Variants in SLC38A3 observed in about 807,000 individuals in gnomAD.
SLC38A3 encodes the protein sodium-coupled neutral amino acid transporter 3.
Under a neutral mutation model 59.5 loss-of-function variants are expected in SLC38A3, and 17 were observed. That is an observed-to-expected ratio of 0.29 (90% CI 0.20 to 0.43). SLC38A3 has a LOEUF of 0.43. Ranked by LOEUF, SLC38A3 falls within the 20% of genes least tolerant of loss-of-function variation. SLC38A3 has a pLI of 1.00. For synonymous variants in SLC38A3, 238 were observed against 260.3 expected, an observed-to-expected ratio of 0.91 and a Z score of 0.82; for missense variants, 454 against 653.9, an observed-to-expected ratio of 0.69 and a Z score of 3.33.
chr3:50,219,811 A>C, intron 14 of SLC38A3, 70 bp from the exon 15 acceptor site: 1 of 1,278,856 alleles, frequency 7.8e-7, no homozygotes, highest in Non-Finnish European at 1.1e-6. Flanking sequence ...ATCTCATTGA[A>C]GAGTCCACCC....
rs6792754 is a variant in SLC38A3, at chr3:50,210,701, G to T, written c.-51-3448G>T. Among the ~76,000 whole-genome samples, 800 of 152,326 alleles carry T rather than the reference G, an allele frequency of 5.3e-3. 7 individuals are homozygous for T. The highest frequency in any genetic ancestry group is 0.018 in the African/African-American group (751 of 41,572). ...GGTGTGCCTGATGAATTCTCACCAG[G>T]TGATGTTCGCGTGGGCGGGCGTTAC... On this transcript the variant is annotated intron_variant, in intron 1 of 15. Coordinates refer to ENST00000614032, the MANE Select transcript of SLC38A3 (RefSeq NM_006841.6).
Position 50,214,422 on chromosome 3 carries a change from G to C in SLC38A3, c.122G>C (p.Ser41Thr). ...GNQRVEDPARSCMEGKSFLQK... is the reference protein window; with the variant it reads ...GNQRVEDPARTCMEGKSFLQK... ...TACAGGGTCGAGGACCCTGCACGGAGCTGTATGGAGGGCAAGAGCTTCCTA... is the reference window on the plus strand; with the variant it reads ...TACAGGGTCGAGGACCCTGCACGGACCTGTATGGAGGGCAAGAGCTTCCTA... The change falls in exon 3 of 16, where the codon AGC becomes ACC. Residue 41 changes from serine to threonine, a missense_variant. Transcript: ENST00000614032. This position sits in a 1 kb window ranked among gnomAD's most constrained non-coding sequence, Gnocchi z 6.0. The C allele has an allele frequency of 6.3e-7, 1 of 1,583,220 alleles. No individual in the cohort carries two copies. The highest frequency in any genetic ancestry group is 1.1e-5 in the South Asian group (1 of 87,006).
At position 50,220,467 on chromosome 3, in the gene SLC38A3, G is replaced by GATGC. The variant is rs769372378; in HGVS notation, c.*293_*296dup. On this transcript the variant is annotated 3_prime_UTR_variant, in exon 16 of 16. Coordinates refer to ENST00000614032, the MANE Select transcript of SLC38A3 (RefSeq NM_006841.6). ...AAGCCCCTCATTCCCTCCTTGCACAGATGCATACACTGGGGCCCAGCAGCT... is the reference window on the plus strand; with the variant it reads ...AAGCCCCTCATTCCCTCCTTGCACAGATGCATGCATACACTGGGGCCCAGCAGCT... 406 of 426,218 alleles carry GATGC rather than the reference G, an allele frequency of 9.5e-4. 1 individual carries two copies. The highest frequency in any genetic ancestry group is 9.5e-4 in the Non-Finnish European group (219 of 229,944). The allele number at this position is 426,218 out of a possible 1,614,324, so 26.4% of individuals were successfully genotyped here.
At position 50,214,520 on chromosome 3, in the gene SLC38A3, G is replaced by T. The variant is rs1277343705; in HGVS notation, c.183+37G>T. On this transcript the variant is annotated intron_variant, in intron 3 of 15. Coordinates refer to ENST00000614032, the MANE Select transcript of SLC38A3 (RefSeq NM_006841.6). The surrounding 1 kb of genome is among the most constrained non-coding windows in gnomAD (Gnocchi z 6.0). Reference sequence around the variant, plus strand: ...AGCAACGGGTTTTAGGGGACACTGTGGGGAGCTTGGATGCAGTAATGAGGT... The same window carrying T: ...AGCAACGGGTTTTAGGGGACACTGTTGGGAGCTTGGATGCAGTAATGAGGT... 1.3e-6 allele frequency: 2 copies of T among 1,535,736 alleles called. No homozygotes were observed. The highest frequency in any genetic ancestry group is 1.2e-5 in the South Asian group (1 of 83,976).
chr3:50,218,555 T>C lies in SLC38A3; in HGVS notation c.1037-38T>C. The C allele has an allele frequency of 1.9e-6, 3 of 1,602,154 alleles. No homozygotes were observed. The highest frequency in any genetic ancestry group is 1.7e-6 in the Non-Finnish European group (2 of 1,173,648). ...GGCAGCTCAGATCCCACCTCCTTCC[T>C]GGGGCCACCTACTGACCACCCTCCC... On this transcript the variant is annotated intron_variant, in intron 12 of 15. Coordinates refer to ENST00000614032, the MANE Select transcript of SLC38A3 (RefSeq NM_006841.6). This position sits in a 1 kb window ranked among gnomAD's most constrained non-coding sequence, Gnocchi z 5.8.
Position 50,218,818 on chromosome 3 carries a change from C to T in SLC38A3, c.1176C>T (p.Ile392=). 1 of 1,610,772 alleles carries T rather than the reference C, an allele frequency of 6.2e-7. No homozygotes were observed. The highest frequency in any genetic ancestry group is 8.5e-7 in the Non-Finnish European group (1 of 1,177,170). The change falls in exon 14 of 16, where the codon ATC becomes ATT. Residue 392 remains isoleucine, a synonymous_variant. Coordinates refer to ENST00000614032, the MANE Select transcript of SLC38A3 (RefSeq NM_006841.6). This position sits in a 1 kb window ranked among gnomAD's most constrained non-coding sequence, Gnocchi z 5.8. ...PIVLFPVRRA[I]QQMLFPNQEF... ...CTGCCCCCCAGGTGCGCCGCGCCAT[C>T]CAGCAGATGCTGTTTCCAAACCAGG...
At chr3:50,209,127 G>A (rs1699687862) in intron 1 of SLC38A3, among the ~76,000 whole-genome samples, 1 of 152,242 alleles carries the variant, frequency 6.6e-6, no homozygotes, top group Non-Finnish European at 1.5e-5. Context: ...CCACAGTCAC[G>A]TGATGTCCTG....
Position 50,220,073 on chromosome 3 carries a change from G to A in SLC38A3, c.1411G>A (p.Ala471Thr). 2 of 1,605,388 alleles carry A rather than the reference G, an allele frequency of 1.2e-6. No homozygotes were observed. Among genetic ancestry groups the A allele is most frequent in the South Asian group, 1.1e-5 (1 of 89,540 alleles). Residue 471 changes from alanine to threonine, a missense_variant and splice_region_variant, in exon 16 of 16, where the codon GCC (alanine) becomes ACC (threonine). Transcript: ENST00000614032. ...EPARSTPKIL[A>T]LCFAMLGFLL... is the part of the protein sequence containing the mutation. ...CTGACCCTGACTTCTGATTCCACAGGCCCTGTGTTTTGCTATGCTTGGCTT... is the reference window on the plus strand; with the variant it reads ...CTGACCCTGACTTCTGATTCCACAGACCCTGTGTTTTGCTATGCTTGGCTT...
At chr3:50,210,922 C>T (rs912944309) in intron 1 of SLC38A3, among the ~76,000 whole-genome samples, 2 of 152,188 alleles carry the variant, frequency 1.3e-5, no homozygotes, top group Admixed American at 6.5e-5. Context: ...TCTCTGGGCA[C>T]CCATGGACTG....
rs1699894520 is a variant in SLC38A3 at position 50,221,437 on chromosome 3, G to A, written c.*1260G>A. Reference sequence around the variant, plus strand: ...GGGGACAAAAGTCCAGGAATCCTGTGCCCTGTTGGGCTGATCTTTTTATCA... The same window carrying A: ...GGGGACAAAAGTCCAGGAATCCTGTACCCTGTTGGGCTGATCTTTTTATCA... On this transcript the variant is annotated 3_prime_UTR_variant, in exon 16 of 16. Coordinates refer to ENST00000614032, the MANE Select transcript of SLC38A3 (RefSeq NM_006841.6). The A allele has an allele frequency of 6.6e-6, 1 of 152,242 alleles. No individual in the cohort carries two copies. Among genetic ancestry groups the A allele is most frequent in the Admixed American group, 6.5e-5 (1 of 15,288 alleles). 9.4% of individuals were successfully genotyped at this position (152,242 alleles called of 1,614,324 possible).
Position 50,217,478 on chromosome 3 carries a change from G to A in SLC38A3, c.690+5G>A. 6.2e-7 allele frequency: 1 copy of A among 1,612,848 alleles called. No homozygotes were observed. On this transcript the variant is annotated splice_donor_5th_base_variant and intron_variant, in intron 9 of 15. Transcript: ENST00000614032. The surrounding 1 kb of genome is among the most constrained non-coding windows in gnomAD (Gnocchi z 4.9). ...ATGGTGTTCTTCCTAATTGCAGTGA[G>A]TCACCCTCCATGTTGGCTGAGAAAG...
chr3:50,208,241 CTT>C (rs1699671487), intron 1 of SLC38A3, among the ~76,000 whole-genome samples: 1 of 150,692 alleles, frequency 6.6e-6, no homozygotes, highest in Non-Finnish European at 1.5e-5. Flanking sequence ...CTGGGGCTCT[CTT>C]TTTCTTCAGC....
chr3:50,211,659 G>A (rs2109151786), intron 1 of SLC38A3, among the ~76,000 whole-genome samples: 1 of 135,708 alleles, frequency 7.4e-6, no homozygotes, highest in Non-Finnish European at 1.5e-5. Flanking sequence ...CGCAATCTCA[G>A]CTCACTGCAA....
chr3:50,214,640 C>T lies in SLC38A3; in HGVS notation c.184-13C>T. 1 of 1,462,976 alleles carries T rather than the reference C, an allele frequency of 6.8e-7. No individual in the cohort carries two copies. Among genetic ancestry groups the T allele is most frequent in the Non-Finnish European group, 9.5e-7 (1 of 1,047,602 alleles). 90.6% of individuals were successfully genotyped at this position (1,462,976 alleles called of 1,614,324 possible). On this transcript the variant is annotated splice_polypyrimidine_tract_variant and intron_variant, in intron 3 of 15. Coordinates refer to ENST00000614032, the MANE Select transcript of SLC38A3 (RefSeq NM_006841.6). This position sits in a 1 kb window ranked among gnomAD's most constrained non-coding sequence, Gnocchi z 6.0. Reference sequence around the variant, plus strand: ...CTCCTCCCACCCTCCCCGTCCCATTCTGGTGCCTGCAGTTCGAGGGGAAGA... The same window carrying T: ...CTCCTCCCACCCTCCCCGTCCCATTTTGGTGCCTGCAGTTCGAGGGGAAGA...
rs587691843 is a variant in SLC38A3 at position 50,220,437 on chromosome 3, C to T, written c.*260C>T. On this transcript the variant is annotated 3_prime_UTR_variant, in exon 16 of 16. Coordinates refer to ENST00000614032, the MANE Select transcript of SLC38A3 (RefSeq NM_006841.6). The stretch of plus-strand genomic sequence containing the variant: ...AGGGTAGGGCTGTCGCCTTAGATCC[C>T]GCCCAAGCCCCTCATTCCCTCCTTG... 1.2e-4 allele frequency: 58 copies of T among 497,842 alleles called. 1 individual carries two copies. Among genetic ancestry groups the T allele is most frequent in the South Asian group, 9.6e-4 (45 of 46,766 alleles). The allele number at this position is 497,842 out of a possible 1,614,324, so 30.8% of individuals were successfully genotyped here. A position where few individuals can be genotyped will look rare whatever the true frequency, so the allele number is the denominator to read the frequency against.
intron 14 of SLC38A3, among the ~76,000 whole-genome samples, chr3:50,219,414 C>T (rs1183033515): frequency 6.6e-6 from 1 of 152,220 alleles, no homozygotes; most frequent in Non-Finnish European, 1.5e-5. Flanking sequence ...GGTGATCCAA[C>T]TCAGAGGACT....
At position 50,213,390 on chromosome 3, in the gene SLC38A3, G is replaced by C. The variant is rs147975124; in HGVS notation, c.-51-759G>C. On this transcript the variant is annotated intron_variant, in intron 1 of 15. Transcript: ENST00000614032. ...GGACTGTGTGGAGGGTGAGGTGTGT[G>C]TGGCACAGAGAACTGGCCCTGGAGC... Among the ~76,000 whole-genome samples the C allele has an allele frequency of 3.0e-4, 45 of 152,312 alleles. No homozygotes were observed. In the East Asian group the frequency reaches 8.7e-3, roughly 29 times the overall value.
At chr3:50,206,362 T>A (rs989788217) in intron 1 of SLC38A3, among the ~76,000 whole-genome samples, 34 of 152,212 alleles carry the variant, frequency 2.2e-4, no homozygotes, top group African/African-American at 7.2e-4. Context: ...GCCAACCCTG[T>A]CCTTTCTTCC....
chr3:50,213,435 C>G (rs1699763009), intron 1 of SLC38A3, among the ~76,000 whole-genome samples: 1 of 152,198 alleles, frequency 6.6e-6, no homozygotes, highest in Admixed American at 6.5e-5. Context: ...CTGGAAGGCC[C>G]CCTGAGGGCC....
Sources: allele counts gnomAD v4.1 joint callset (sites outside exome capture counted in the v4.1 genomes callset), GRCh38; gene constraint gnomAD v4.1.1; non-coding constraint Gnocchi (gnomAD v3.1); transcripts MANE v1.5; gene names NCBI Gene and HGNC (gene_info 2026-07-23, HGNC 2026-07-21).